The following COL11A1 variants were observed in gnomAD, a reference collection of about 807,000 sequenced individuals.
COL11A1 encodes collagen alpha-1(XI) chain.
COL11A1 carries 74 observed loss-of-function variants against 265.2 expected under a neutral mutation model. The ratio of observed to expected loss-of-function variants is 0.28; its 90% CI spans 0.23 to 0.34. The LOEUF is 0.34. COL11A1 is among the 10% of genes least tolerant of loss of function. COL11A1 has a pLI of 1.00. For synonymous variants in COL11A1, 816 were observed against 727.6 expected (o/e 1.12, Z -1.96); for missense variants, 2,165 against 2,263.6 (o/e 0.96, Z 0.88).
intron 57 of COL11A1, among the ~76,000 whole-genome samples, chr1:102,890,847 A>G (rs1452122612): frequency 6.6e-6 from 1 of 152,062 alleles, no homozygotes; most frequent in African/African-American, 2.4e-5. Context: ...AAACATTTTT[A>G]TGTTACATGA....
At chr1:102,931,499 A>T (rs559738059) in intron 46 of COL11A1, among the ~76,000 whole-genome samples, 297 of 152,038 alleles carry the variant, frequency 2.0e-3, no homozygotes, top group African/African-American at 6.3e-3. Flanking sequence ...TGCTGAGGAG[A>T]GCTTTACTTC....
intron 2 of COL11A1, among the ~76,000 whole-genome samples, chr1:103,081,604 T>A (rs1451815278): frequency 1.3e-5 from 2 of 151,860 alleles, no homozygotes; most frequent in Non-Finnish European, 2.9e-5. Context: ...TCAAAATAAA[T>A]GTATTTCAAT....
chr1:103,037,559 A>G (rs1051671189), intron 4 of COL11A1, among the ~76,000 whole-genome samples: 7 of 152,138 alleles, frequency 4.6e-5, no homozygotes, highest in Admixed American at 4.6e-4. Flanking sequence ...TGACTTGTAG[A>G]TGGATTATGT....
chr1:102,998,120 C>T (rs918389957), intron 25 of COL11A1, among the ~76,000 whole-genome samples, 190 bp downstream of exon 25: 2 of 151,706 alleles, frequency 1.3e-5, no homozygotes, highest in African/African-American at 4.8e-5. Flanking sequence ...ACAAAAGCCA[C>T]CGTGAGCTCA....
chr1:103,006,212 T>TA, intron 16 of COL11A1, 50 bp downstream of exon 16: 21 of 559,192 alleles, frequency 3.8e-5, no homozygotes, highest in Non-Finnish European at 5.3e-5. Context: ...TAAATAAAAC[T>TA]AATGATCATG....
At chr1:103,048,575 G>C (rs559911312) in intron 4 of COL11A1, among the ~76,000 whole-genome samples, 2 of 152,018 alleles carry the variant, frequency 1.3e-5, no homozygotes. Context: ...ATTTTTTGAA[G>C]GGTTTTGTGT....
At chr1:102,922,020 T>C (rs1053910822) in intron 47 of COL11A1, among the ~76,000 whole-genome samples, 10 of 152,226 alleles carry the variant, frequency 6.6e-5, no homozygotes, top group African/African-American at 2.4e-4. Context: ...TTCTATATGC[T>C]AGAATTAGAA....
chr1:102,904,177 T>C (rs111352098), intron 54 of COL11A1, among the ~76,000 whole-genome samples: 2,924 of 152,190 alleles, frequency 0.019, 94 homozygotes, highest in African/African-American at 0.067. Flanking sequence ...AGGGATCCAG[T>C]TTTAGCTTTC....
At chr1:102,888,993 A>G in intron 59 of COL11A1, 74 bp from the exon 60 acceptor site, 2 of 1,386,156 alleles carry the variant, frequency 1.4e-6, no homozygotes, top group Admixed American at 3.4e-5. Flanking sequence ...ACTTTTCAAT[A>G]TTTTCATAAC....
At chr1:102,981,368 A>G (rs1254070794) in intron 31 of COL11A1, among the ~76,000 whole-genome samples, 2 of 151,050 alleles carry the variant, frequency 1.3e-5, no homozygotes, top group African/African-American at 2.4e-5. Context: ...ACAAATGATT[A>G]TAATACAGTA....
intron 29 of COL11A1, among the ~76,000 whole-genome samples, chr1:102,988,628 C>A (rs1663818337): frequency 7.6e-6 from 1 of 130,924 alleles, no homozygotes; most frequent in Non-Finnish European, 1.7e-5. Context: ...TTGACTTAAT[C>A]AATCTTTTCA....
intron 1 of COL11A1, among the ~76,000 whole-genome samples, chr1:103,087,011 T>C (rs903453820): frequency 6.6e-6 from 1 of 152,220 alleles, no homozygotes; most frequent in Admixed American, 6.5e-5. Flanking sequence ...TTTATACGCA[T>C]ACATACATAT....
rs1224418646 is a variant in COL11A1, at chr1:102,903,987, G to A, written c.4087-4993C>T. Among the ~76,000 whole-genome samples, 3 of 152,074 alleles carry A rather than the reference G, an allele frequency of 2.0e-5. No individual in the cohort carries two copies. The East Asian group carries it at 5.8e-4, about 29-fold the overall frequency. The stretch of plus-strand genomic sequence containing the variant: ...AAGCTATTCTCCCACCTCAGCCTCA[G>A]AGTACCTAGGACTACAGGCTCATGT... On this transcript the variant is annotated intron_variant, in intron 54 of 66. Coordinates refer to ENST00000370096, the MANE Select transcript of COL11A1 (RefSeq NM_001854.4).
chr1:102,969,993 TA>T (rs1557885874), intron 37 of COL11A1, among the ~76,000 whole-genome samples: 1 of 152,068 alleles, frequency 6.6e-6, no homozygotes, highest in Non-Finnish European at 1.5e-5. Context: ...CTATTGACAA[TA>T]AAAACAATCA....
chr1:103,062,888 T>C (rs1571189589), intron 4 of COL11A1, among the ~76,000 whole-genome samples: 1 of 152,122 alleles, frequency 6.6e-6, no homozygotes, highest in East Asian at 1.9e-4. Context: ...AAATGATTGT[T>C]ACAAGGTTGT....
rs184482241 is a variant in COL11A1 at position 102,974,488 on chromosome 1, T to G, written c.2808+342A>C. On this transcript the variant is annotated intron_variant, in intron 36 of 66. Coordinates refer to ENST00000370096, the MANE Select transcript of COL11A1 (RefSeq NM_001854.4). ...AGAAGGTTATTTTGATGATGGAAGA[T>G]AAAGATAAATTCGAATATACCAAAT... Among the ~76,000 whole-genome samples the G allele has an allele frequency of 1.7e-3, 253 of 152,252 alleles. 1 individual carries two copies. Among genetic ancestry groups the G allele is most frequent in the Middle Eastern group, 0.01 (3 of 294 alleles).
intron 34 of COL11A1, 38 bp from the exon 35 acceptor site, chr1:102,978,790 T>C (rs1662751214): frequency 6.2e-7 from 1 of 1,614,130 alleles, no homozygotes; most frequent in East Asian, 2.2e-5. Context: ...CAGTTTGAAT[T>C]CTTTCTCATA....
intron 52 of COL11A1, among the ~76,000 whole-genome samples, 173 bp from the exon 53 acceptor site, chr1:102,913,863 C>T (rs1358073894): frequency 6.6e-6 from 1 of 152,040 alleles, no homozygotes; most frequent in Non-Finnish European, 1.5e-5. Context: ...CTCTCACTCT[C>T]CGCAAAAAAA....
chr1:103,014,064 A>T (rs1394507269), intron 13 of COL11A1, among the ~76,000 whole-genome samples: 1 of 152,076 alleles, frequency 6.6e-6, no homozygotes, highest in Non-Finnish European at 1.5e-5. Flanking sequence ...TGCCCAAAAA[A>T]TTTAATTTTC....
Sources: allele counts gnomAD v4.1 joint callset (sites outside exome capture counted in the v4.1 genomes callset), GRCh38; gene constraint gnomAD v4.1.1; transcripts MANE v1.5; gene names NCBI Gene and HGNC (gene_info 2026-07-23, HGNC 2026-07-21).